LMLN: variants seen among roughly 807,000 people sequenced by gnomAD.
LMLN encodes leishmanolysin-like peptidase.
A neutral mutation model predicts 92.3 loss-of-function variants in LMLN; 70 were observed. The ratio of observed to expected loss-of-function variants is 0.76; its 90% CI spans 0.63 to 0.92. The LOEUF (loss-of-function observed/expected upper bound fraction) is 0.92. Ranked by LOEUF, LMLN falls within the 40% of genes least tolerant of loss-of-function variation. The pLI is 0.00. For missense variants in LMLN, 691 were observed against 814.6 expected, an observed-to-expected ratio of 0.85 and a Z score of 1.85; for synonymous variants, 308 against 296.2, an observed-to-expected ratio of 1.04 and a Z score of -0.41.
At chr3:198,005,669 C>G (rs1216840651) in intron 11 of LMLN, among the ~76,000 whole-genome samples, 1 of 147,584 alleles carries the variant, frequency 6.8e-6, no homozygotes, top group East Asian at 2.0e-4. Context: ...GAGTCTCACT[C>G]TGTTGCCCAG....
intron 6 of LMLN, among the ~76,000 whole-genome samples, chr3:197,982,633 T>C (rs1721592534): frequency 6.6e-6 from 1 of 152,236 alleles, no homozygotes; most frequent in South Asian, 2.1e-4. Flanking sequence ...AAACAAAGTA[T>C]AGATGTGTAT....
chr3:198,040,617 ACTC>A (rs1296864898), exon 16 of LMLN: 5 of 103,296 alleles, frequency 4.8e-5, no homozygotes, highest in African/African-American at 2.6e-4. Context: ...CCTCGGACAG[ACTC>A]CTCCTACTCC....
chr3:198,021,538 A>T (rs1408535643), exon 13 of LMLN: 2 of 1,614,052 alleles, frequency 1.2e-6, no homozygotes, highest in Non-Finnish European at 1.7e-6. Flanking sequence ...TCAGTCAGGA[A>T]TTCAGTTGGC....
chr3:198,036,860 A>G (rs900707277), intron 15 of LMLN, among the ~76,000 whole-genome samples: 2 of 152,188 alleles, frequency 1.3e-5, no homozygotes, highest in Non-Finnish European at 2.9e-5. Flanking sequence ...ATCTTATGCA[A>G]TGTTTCATTT....
At chr3:198,010,448 G>A (rs77563573) in intron 11 of LMLN, among the ~76,000 whole-genome samples, 234 of 150,886 alleles carry the variant, frequency 1.6e-3, no homozygotes, top group African/African-American at 5.1e-3. Context: ...CACGCCCAGC[G>A]TTTTCTGTTT....
intron 9 of LMLN, among the ~76,000 whole-genome samples, chr3:197,991,290 G>T (rs773342934): frequency 9.9e-5 from 15 of 151,784 alleles, no homozygotes; most frequent in Non-Finnish European, 1.8e-4. Flanking sequence ...TTTTTTTGTA[G>T]TGATGAGGTC....
chr3:198,035,485 C>G (rs1296741571), intron 14 of LMLN, among the ~76,000 whole-genome samples: 1 of 151,402 alleles, frequency 6.6e-6, no homozygotes, highest in African/African-American at 2.4e-5. Flanking sequence ...GCCTCAGCCT[C>G]CTGAGTAGCT....
In LMLN at chr3:198,032,596, C is replaced by T. The variant is rs75206530; in HGVS notation, c.1657-3237C>T. Reference sequence around the variant, plus strand: ...TTCTGGTGACGGCTCAGGAAGCTTACAGTCATGGCGGAAGGCAGAGTGGGG... The same window carrying T: ...TTCTGGTGACGGCTCAGGAAGCTTATAGTCATGGCGGAAGGCAGAGTGGGG... On this transcript the variant is annotated intron_variant, in intron 14 of 15. Coordinates refer to ENST00000330198, the Ensembl canonical transcript of LMLN. 1.6e-3 allele frequency among the ~76,000 whole-genome samples: 250 copies of T among 152,240 alleles called. 3 individuals are homozygous for T. In the East Asian group the frequency reaches 0.042, roughly 25 times the overall value.
chr3:198,008,833 T>G (rs1335073916), intron 11 of LMLN, among the ~76,000 whole-genome samples: 1 of 152,174 alleles, frequency 6.6e-6, no homozygotes, highest in African/African-American at 2.4e-5. Flanking sequence ...AATTCAAAAC[T>G]CTTGTGTCAC....
intron 1 of LMLN, among the ~76,000 whole-genome samples, chr3:197,963,161 TA>T (rs1298466319): frequency 6.6e-6 from 1 of 152,054 alleles, no homozygotes; most frequent in East Asian, 1.9e-4. Context: ...AGCAAAAATG[TA>T]TAGATCTTGC....
chr3:198,013,587 C>T (rs1343520932), intron 11 of LMLN, among the ~76,000 whole-genome samples: 3 of 118,794 alleles, frequency 2.5e-5, no homozygotes, highest in Non-Finnish European at 3.3e-5. Flanking sequence ...CTTCAGAGCC[C>T]CTTAACTAGT....
exon 16 of LMLN, chr3:198,043,367 G>C (rs1723464781): frequency 6.5e-6 from 1 of 152,706 alleles, no homozygotes; most frequent in Non-Finnish European, 1.5e-5. Context: ...ACAGAGAGGA[G>C]CCTGTCTCTC....
chr3:197,992,004 G>A (rs9845817), intron 9 of LMLN, among the ~76,000 whole-genome samples: 1 of 150,256 alleles, frequency 6.7e-6, no homozygotes, highest in East Asian at 2.0e-4. Context: ...TGGAATTACA[G>A]GCTCCCACCA....
At chr3:198,011,595 T>G (rs1722442940) in intron 11 of LMLN, among the ~76,000 whole-genome samples, 1 of 151,260 alleles carries the variant, frequency 6.6e-6, no homozygotes, top group African/African-American at 2.4e-5. Flanking sequence ...CGTGTGCATG[T>G]GTCTTTATAG....
At chr3:197,976,662 T>A in exon 5 of LMLN, 1 of 1,591,344 alleles carries the variant, frequency 6.3e-7, no homozygotes, top group South Asian at 1.1e-5. Flanking sequence ...CACCGGGGAG[T>A]GTGCCGCACA....
chr3:198,033,575 T>G (rs1437903049), intron 14 of LMLN, among the ~76,000 whole-genome samples: 1 of 152,116 alleles, frequency 6.6e-6, no homozygotes, highest in Non-Finnish European at 1.5e-5. Context: ...CTAATTTTTG[T>G]ATTTTTAGTA....
In LMLN at chr3:197,975,080, A is replaced by G; in HGVS notation, c.348+8A>G. The G allele has an allele frequency of 7.1e-6, 10 of 1,411,626 alleles. No homozygotes were observed. The highest frequency in any genetic ancestry group is 9.9e-6 in the Non-Finnish European group (10 of 1,011,152). The allele number at this position is 1,411,626 out of a possible 1,614,324, so 87.4% of individuals were successfully genotyped here. A position where few individuals can be genotyped will look rare whatever the true frequency, so the allele number is the denominator to read the frequency against. Reference sequence around the variant, plus strand: ...AAAAAGAATCTTGTAAAGGTATGTAATAAATACTCATAACTTGAATTGGAC... The same window carrying G: ...AAAAAGAATCTTGTAAAGGTATGTAGTAAATACTCATAACTTGAATTGGAC... On this transcript the variant is annotated splice_region_variant and intron_variant, in intron 3 of 15. Coordinates refer to ENST00000330198, the Ensembl canonical transcript of LMLN.
chr3:197,977,925 A>C (rs922836216), intron 5 of LMLN, among the ~76,000 whole-genome samples: 6 of 151,666 alleles, frequency 4.0e-5, no homozygotes, highest in African/African-American at 7.3e-5. Context: ...ATCATCAAAC[A>C]ATCTGGAAGT....
intron 1 of LMLN, among the ~76,000 whole-genome samples, chr3:197,966,330 C>T (rs1721059697): frequency 1.3e-5 from 2 of 152,230 alleles, no homozygotes; most frequent in Admixed American, 6.5e-5. Flanking sequence ...GCATGAGCCA[C>T]TGCACCTGGC....
Sources: allele counts gnomAD v4.1 joint callset (sites outside exome capture counted in the v4.1 genomes callset), GRCh38; gene constraint gnomAD v4.1.1; transcripts MANE v1.5; gene names NCBI Gene and HGNC (gene_info 2026-07-23, HGNC 2026-07-21).